Variants in PDE3B observed in about 807,000 individuals in gnomAD.
PDE3B encodes cGMP-inhibited 3',5'-cyclic phosphodiesterase 3B.
Under a neutral mutation model 116.8 loss-of-function variants are expected in PDE3B, and 66 were observed. The observed-to-expected ratio is 0.56, with a 90% confidence interval of 0.46 to 0.69. The LOEUF (loss-of-function observed/expected upper bound fraction) is 0.69. Ranked by LOEUF, PDE3B falls within the 30% of genes least tolerant of loss-of-function variation. The probability of loss-of-function intolerance (pLI) is 0.00; values close to 1 mark genes in which losing one functional copy is unlikely to be tolerated. For missense variants in PDE3B, 1,384 were observed against 1,368.1 expected, an observed-to-expected ratio of 1.01 and a Z score of -0.18; for synonymous variants, 595 against 533.6, an observed-to-expected ratio of 1.12 and a Z score of -1.59.
chr11:14,891,380 C>A, the PDE3B span: 4 of 985,692 alleles, frequency 4.1e-6, no homozygotes, highest in Non-Finnish European at 4.8e-6. Flanking sequence ...CGCTGTAGGA[C>A]CCCCGCAGCG....
At chr11:14,789,535 T>C (rs1282768624) in intron 4 of PDE3B, among the ~76,000 whole-genome samples, 2 of 152,006 alleles carry the variant, frequency 1.3e-5, no homozygotes, top group Non-Finnish European at 2.9e-5. Flanking sequence ...GGGGAAGTTT[T>C]TAAATCGATA....
At chr11:14,885,728 G>A in the PDE3B span, 1 of 1,584,656 alleles carries the variant, frequency 6.3e-7, no homozygotes. Flanking sequence ...TAAGGAATGT[G>A]ATTTAAAATA....
At chr11:14,803,452 C>T (rs1858830472) in intron 4 of PDE3B, among the ~76,000 whole-genome samples, 1 of 152,162 alleles carries the variant, frequency 6.6e-6, no homozygotes, top group African/African-American at 2.4e-5. Flanking sequence ...GGATCAGAAA[C>T]TCCATCATAT....
chr11:14,725,309 C>CTTTCTTTCTCTT (rs1393019002), intron 1 of PDE3B, among the ~76,000 whole-genome samples: 3 of 147,312 alleles, frequency 2.0e-5, no homozygotes, highest in African/African-American at 7.7e-5. Context: ...TTCTTTCTTT[C>CTTTCTTTCTCTT]TCTTTCTTTC....
intron 5 of PDE3B, among the ~76,000 whole-genome samples, chr11:14,813,232 T>A (rs1047572924): frequency 6.6e-6 from 1 of 152,226 alleles, no homozygotes; most frequent in Non-Finnish European, 1.5e-5. Context: ...ATACTTATAA[T>A]TCTGGAGGTC....
chr11:14,732,281 A>AT (rs1393135019), intron 1 of PDE3B, among the ~76,000 whole-genome samples: 1 of 152,046 alleles, frequency 6.6e-6, no homozygotes, highest in South Asian at 2.1e-4. Flanking sequence ...AAAGCAAGTG[A>AT]TTTTTTCTTG....
Position 14,818,301 on chromosome 11 carries a change from A to G in PDE3B, c.1641A>G (p.Pro547=). 1 of 1,613,356 alleles carries G rather than the reference A, an allele frequency of 6.2e-7. No homozygotes were observed. Among genetic ancestry groups the G allele is most frequent in the Non-Finnish European group, 8.5e-7 (1 of 1,179,330 alleles). The change falls in exon 6 of 16, where the codon CCA becomes CCG. Residue 547 remains proline, a synonymous_variant. Coordinates refer to ENST00000282096, the MANE Select transcript of PDE3B (RefSeq NM_000922.4). The stretch of plus-strand genomic sequence containing the variant: ...ATACTGCTGATTTTCTTAATAAGCC[A>G]AGCGTTATCTTGCAGAGATCTCTGG... The part of the protein sequence containing the change: ...FPDTADFLNK[P]SVILQRSLGN...
chr11:14,875,265 G>A (rs782301601), downstream of PDE3B, among the ~76,000 whole-genome samples: 10 of 152,024 alleles, frequency 6.6e-5, no homozygotes, highest in African/African-American at 9.7e-5. Context: ...CTGTGGCTTC[G>A]TCTATGCATG....
At chr11:14,747,445 A>C (rs984854128) in intron 1 of PDE3B, among the ~76,000 whole-genome samples, 1 of 152,182 alleles carries the variant, frequency 6.6e-6, no homozygotes, top group African/African-American at 2.4e-5. Flanking sequence ...TATAACATGA[A>C]AGTGAGTGAG....
chr11:14,662,752 T>C (rs531222317), intron 1 of PDE3B, among the ~76,000 whole-genome samples: 2 of 152,154 alleles, frequency 1.3e-5, no homozygotes, highest in South Asian at 2.1e-4. Context: ...AAGGGAAGTT[T>C]AGAGAAAAGA....
intron 1 of PDE3B, among the ~76,000 whole-genome samples, chr11:14,749,919 T>TATATA (rs1391477381): frequency 7.2e-6 from 1 of 138,740 alleles, no homozygotes; most frequent in Non-Finnish European, 1.5e-5. Flanking sequence ...TATATGTATC[T>TATATA]TTGTGGAAGC....
chr11:14,834,927 T>C, intron 10 of PDE3B, 55 bp from the exon 11 acceptor site: 3 of 898,488 alleles, frequency 3.3e-6, no homozygotes, highest in Non-Finnish European at 5.3e-6. Flanking sequence ...GAAATTATTG[T>C]ACTTTTTAAA....
At chr11:14,731,255 A>ATTTTTTTTTTTTTT (rs778089171) in intron 1 of PDE3B, among the ~76,000 whole-genome samples, 3 of 121,140 alleles carry the variant, frequency 2.5e-5, no homozygotes, top group Non-Finnish European at 3.5e-5. Flanking sequence ...TTTTACTTTG[A>ATTTTTTTTTTTTTT]TTTTTTTTTT....
Position 14,786,687 on chromosome 11 carries a change from T to C in PDE3B, c.1278+2T>C. 6.2e-7 allele frequency: 1 copy of C among 1,605,638 alleles called. No homozygotes were observed. The highest frequency in any genetic ancestry group is 8.5e-7 in the Non-Finnish European group (1 of 1,172,648). On this transcript the variant is annotated splice_donor_variant, in intron 3 of 15. Coordinates refer to ENST00000282096, the MANE Select transcript of PDE3B (RefSeq NM_000922.4). LOFTEE classifies it high-confidence loss of function. ...AAAGGGGATAGAAAACTTAACAAGG[T>C]CGAAATACAGTAATCATCTAACCCT...
intron 1 of PDE3B, among the ~76,000 whole-genome samples, chr11:14,695,366 A>G (rs985999271): frequency 1.3e-5 from 2 of 151,834 alleles, no homozygotes; most frequent in African/African-American, 4.8e-5. Flanking sequence ...GGACGTTTGG[A>G]TTATTTTTAT....
chr11:14,800,317 T>C (rs1858711756), intron 4 of PDE3B, among the ~76,000 whole-genome samples: 1 of 152,156 alleles, frequency 6.6e-6, no homozygotes, highest in African/African-American at 2.4e-5. Context: ...ATACAAAAGT[T>C]AGCTGGGCGT....
intron 1 of PDE3B, among the ~76,000 whole-genome samples, chr11:14,710,011 T>G (rs1441319610): frequency 6.6e-6 from 1 of 152,150 alleles, no homozygotes; most frequent in Non-Finnish European, 1.5e-5. Flanking sequence ...ATTAAGTCAT[T>G]TGTCTTGGGG....
Position 14,795,445 on chromosome 11 carries a change from A to T in PDE3B, c.1415+6203A>T, listed in dbSNP as rs1313457948. Reference sequence around the variant, plus strand: ...TCTGCTTGTCTTCTGCTTTCTTCGTATTGATTTATGTAATTTCATTGAGGT... The same window carrying T: ...TCTGCTTGTCTTCTGCTTTCTTCGTTTTGATTTATGTAATTTCATTGAGGT... On this transcript the variant is annotated intron_variant, in intron 4 of 15. Coordinates refer to ENST00000282096, the MANE Select transcript of PDE3B (RefSeq NM_000922.4). Among the ~76,000 whole-genome samples the T allele has an allele frequency of 3.9e-5, 6 of 152,210 alleles. No homozygotes were observed. In the East Asian group the frequency reaches 1.2e-3, roughly 29 times the overall value.
At chr11:14,795,889 A>G (rs1858536643) in intron 4 of PDE3B, among the ~76,000 whole-genome samples, 1 of 152,074 alleles carries the variant, frequency 6.6e-6, no homozygotes, top group South Asian at 2.1e-4. Flanking sequence ...TATTATTATC[A>G]TTATACTTTC....
Sources: allele counts gnomAD v4.1 joint callset (sites outside exome capture counted in the v4.1 genomes callset), GRCh38; gene constraint gnomAD v4.1.1; transcripts MANE v1.5; gene names NCBI Gene and HGNC (gene_info 2026-07-23, HGNC 2026-07-21).